OPCML: variants seen among roughly 807,000 people sequenced by gnomAD.
OPCML encodes the protein opioid-binding protein/cell adhesion molecule.
Under a neutral mutation model 37.8 loss-of-function variants are expected in OPCML, and 13 were observed. The observed-to-expected ratio is 0.34, with a 90% CI of 0.22 to 0.55. OPCML has a LOEUF of 0.55. Ranked by LOEUF, OPCML falls within the 20% of genes least tolerant of loss-of-function variation. The pLI, the probability that OPCML is intolerant of heterozygous loss-of-function variation, is 0.91. For synonymous variants in OPCML, 176 were observed against 168.8 expected, an observed-to-expected ratio of 1.04 and a Z score of -0.33; for missense variants, 341 against 435.6, an observed-to-expected ratio of 0.78 and a Z score of 1.93.
intron 2 of OPCML, among the ~76,000 whole-genome samples, chr11:132,846,127 C>T (rs1233631918): frequency 6.6e-6 from 1 of 152,210 alleles, no homozygotes; most frequent in Non-Finnish European, 1.5e-5. Context: ...CATTTACAGT[C>T]TCCTTTATAG....
At chr11:132,768,104 A>C (rs4388904) in intron 2 of OPCML, among the ~76,000 whole-genome samples, 1 of 152,206 alleles carries the variant, frequency 6.6e-6, no homozygotes, top group Admixed American at 6.5e-5. Flanking sequence ...TGGTATATTT[A>C]CAAGTCTTCT....
At chr11:132,879,002 T>C (rs1333518598) in intron 2 of OPCML, among the ~76,000 whole-genome samples, 3 of 152,236 alleles carry the variant, frequency 2.0e-5, no homozygotes, top group Non-Finnish European at 4.4e-5. Flanking sequence ...GCTGAAATCA[T>C]TGCTTAATAT....
At chr11:133,467,069 T>C (rs1946991883) in intron 1 of OPCML, among the ~76,000 whole-genome samples, 1 of 152,234 alleles carries the variant, frequency 6.6e-6, no homozygotes, top group Admixed American at 6.5e-5. Context: ...GTTGAACATC[T>C]GTGAACCATG....
intron 1 of OPCML, among the ~76,000 whole-genome samples, chr11:133,200,323 A>AT (rs147562197): frequency 0.14 from 20,924 of 152,160 alleles, 1,691 homozygotes; most frequent in African/African-American, 0.23. Context: ...AGAGTGGTTT[A>AT]TTTGGGGGCA....
chr11:132,539,973 G>C (rs2096352051), intron 3 of OPCML, among the ~76,000 whole-genome samples: 1 of 152,078 alleles, frequency 6.6e-6, no homozygotes, highest in Non-Finnish European at 1.5e-5. Flanking sequence ...TGATGATAAT[G>C]ATGATAATGG....
intron 1 of OPCML, among the ~76,000 whole-genome samples, chr11:133,002,368 C>A (rs1242739270): frequency 2.0e-5 from 3 of 152,316 alleles, no homozygotes; most frequent in Admixed American, 2.0e-4. Flanking sequence ...TCAGTCCTTG[C>A]TGATTAGACA....
At chr11:133,529,388 C>T (rs1948556216) in intron 1 of OPCML, among the ~76,000 whole-genome samples, 1 of 152,204 alleles carries the variant, frequency 6.6e-6, no homozygotes, top group Non-Finnish European at 1.5e-5. Context: ...CCTACTAGAA[C>T]AACAAAATTA....
chr11:132,661,270 TG>T (rs1941966218), intron 2 of OPCML, among the ~76,000 whole-genome samples: 1 of 152,152 alleles, frequency 6.6e-6, no homozygotes. Context: ...TCTCTCTAAA[TG>T]GGCAAAGATG....
At chr11:133,262,144 G>A (rs753222945) in intron 1 of OPCML, among the ~76,000 whole-genome samples, 22 of 152,150 alleles carry the variant, frequency 1.4e-4, no homozygotes, top group Non-Finnish European at 2.1e-4. Context: ...AGTATACATT[G>A]TGGCACAGCT....
At chr11:133,103,577 A>G (rs1172857924) in intron 1 of OPCML, among the ~76,000 whole-genome samples, 2 of 152,350 alleles carry the variant, frequency 1.3e-5, no homozygotes, top group African/African-American at 2.4e-5. Context: ...TGTTCATACA[A>G]TGGAACATAA....
intron 4 of OPCML, among the ~76,000 whole-genome samples, chr11:132,443,731 A>C (rs1409547221): frequency 6.6e-6 from 1 of 152,212 alleles, no homozygotes; most frequent in Non-Finnish European, 1.5e-5. Context: ...CACAGGAAGG[A>C]GATAAGGCTG....
intron 1 of OPCML, among the ~76,000 whole-genome samples, chr11:133,442,185 C>G (rs1946378027): frequency 1.3e-5 from 2 of 152,178 alleles, no homozygotes; most frequent in Non-Finnish European, 2.9e-5. Context: ...TGGGTTTAAA[C>G]TGAATTTGAC....
chr11:132,562,438 G>A (rs967936008), intron 3 of OPCML, among the ~76,000 whole-genome samples: 2 of 151,914 alleles, frequency 1.3e-5, no homozygotes, highest in Admixed American at 1.3e-4. Flanking sequence ...TTATGACTAA[G>A]AGGGAATCTG....
At chr11:132,726,160 T>C (rs1463979106) in intron 2 of OPCML, among the ~76,000 whole-genome samples, 4 of 152,204 alleles carry the variant, frequency 2.6e-5, no homozygotes, top group African/African-American at 9.7e-5. Flanking sequence ...CCCACTCTAC[T>C]GTTTTTATGC....
At chr11:132,852,606 A>G (rs1371137766) in intron 2 of OPCML, among the ~76,000 whole-genome samples, 1 of 151,332 alleles carries the variant, frequency 6.6e-6, no homozygotes. Context: ...CCTGCGCACA[A>G]AGGAGAAAAA....
intron 1 of OPCML, among the ~76,000 whole-genome samples, chr11:133,021,125 A>G (rs148186218): frequency 1.7e-3 from 255 of 152,320 alleles, no homozygotes; most frequent in African/African-American, 5.7e-3. Context: ...CCCATGGACC[A>G]GACACTGAAT....
At chr11:133,136,194 G>A (rs562104019) in intron 1 of OPCML, among the ~76,000 whole-genome samples, 9 of 152,302 alleles carry the variant, frequency 5.9e-5, no homozygotes, top group African/African-American at 2.2e-4. Flanking sequence ...GTTTCTATTT[G>A]TGAAGAAGGG....
In OPCML at chr11:132,524,543, C is replaced by T. The variant is rs562085217; in HGVS notation, c.505+4518G>A. On this transcript the variant is annotated intron_variant, in intron 4 of 7. Transcript: ENST00000524381. The stretch of plus-strand genomic sequence containing the variant: ...TATCTAAAGATCAAGAATGAATACA[C>T]AGTCAAAAGTTCAGCAGTTTGCATA... Among the ~76,000 whole-genome samples, 17 of 152,288 alleles carry T rather than the reference C, an allele frequency of 1.1e-4. No homozygotes were observed. The South Asian group carries it at 3.5e-3, about 32-fold the overall frequency.
intron 3 of OPCML, among the ~76,000 whole-genome samples, chr11:132,606,669 A>G (rs1413124609): frequency 8.9e-6 from 1 of 112,040 alleles, no homozygotes. Context: ...TTCTGGGCCA[A>G]TGGGACCGTG....
Sources: gnomAD v4.1 joint callset for allele counts (sites outside exome capture counted in the v4.1 genomes callset) on GRCh38, gnomAD v4.1.1 for gene constraint, MANE v1.5 for transcripts, NCBI Gene and HGNC (gene_info 2026-07-23, HGNC 2026-07-21) for gene names.